Variants in ELFN2 observed in about 807,000 individuals in gnomAD.
ELFN2 encodes extracellular leucine rich repeat and fibronectin type III domain containing 2, also known as protein phosphatase 1 regulatory subunit 29.
ELFN2 carries 17 observed loss-of-function variants against 45.5 expected under a neutral mutation model. That is an observed-to-expected ratio of 0.37 (90% CI 0.26 to 0.56). The LOEUF (loss-of-function observed/expected upper bound fraction) is 0.56, where lower values mean the gene tolerates loss of function less well. Ranked by LOEUF, ELFN2 falls within the 20% of genes least tolerant of loss-of-function variation. The probability of loss-of-function intolerance (pLI) is 0.77; values close to 1 mark genes in which losing one functional copy is unlikely to be tolerated. For synonymous variants in ELFN2, 550 were observed against 551.5 expected, an observed-to-expected ratio of 1.00 and a Z score of 0.04; for missense variants, 922 against 1,183.2, an observed-to-expected ratio of 0.78 and a Z score of 3.24.
intron 2 of ELFN2, among the ~76,000 whole-genome samples, chr22:37,377,261 C>T (rs1339131850): frequency 6.6e-6 from 1 of 152,230 alleles, no homozygotes; most frequent in Non-Finnish European, 1.5e-5. Flanking sequence ...AAGCTGGACA[C>T]AGCCCCTTGG....
At chr22:37,426,758 C>G (rs940048405) in intron 1 of ELFN2, 1 of 153,392 alleles carries the variant, frequency 6.5e-6, no homozygotes, top group Admixed American at 6.5e-5. Flanking sequence ...CCCTGGCCAG[C>G]GCCTCTGAAA....
At chr22:37,362,033 G>A (rs1213267157) in intron 1 of ELFN2, among the ~76,000 whole-genome samples, 4 of 152,206 alleles carry the variant, frequency 2.6e-5, no homozygotes, top group African/African-American at 9.7e-5. Context: ...TGCCCACATG[G>A]GTGGCACGGT....
chr22:37,344,865 C>T (rs1252038438), intron 1 of ELFN2, among the ~76,000 whole-genome samples: 1 of 152,176 alleles, frequency 6.6e-6, no homozygotes, highest in East Asian at 1.9e-4. Flanking sequence ...CGCTGAGGGG[C>T]GAGCTCCCCC....
chr22:37,406,690 C>A (rs1932509691), intron 2 of ELFN2, among the ~76,000 whole-genome samples: 1 of 152,268 alleles, frequency 6.6e-6, no homozygotes, highest in Non-Finnish European at 1.5e-5. Context: ...AATTACCATC[C>A]TCCCGGGCAT....
chr22:37,404,015 G>A (rs887251757), intron 2 of ELFN2, among the ~76,000 whole-genome samples: 2 of 152,218 alleles, frequency 1.3e-5, no homozygotes, highest in African/African-American at 4.8e-5. Context: ...CTTTGCTGAG[G>A]GTGATTCTGG....
chr22:37,374,432 C>T lies in ELFN2; in HGVS notation c.1103G>A (p.Arg368His), dbSNP rs760548220. 3 of 1,613,892 alleles carry T rather than the reference C, an allele frequency of 1.9e-6. No homozygotes were observed. Among genetic ancestry groups the T allele is most frequent in the East Asian group, 2.2e-5 (1 of 44,872 alleles). ...GGTCAGGCAGGTGTGGTTGAAGCGG[C>T]GGCTGTTGCGCAGCGAGGTCACGCA... ...TFCVTSLRNSRRFNHTCLTFT... is the reference protein window; with the variant it reads ...TFCVTSLRNSHRFNHTCLTFT... The change falls in exon 3 of 3, where the codon CGC becomes CAC. Residue 368 changes from arginine (R) to histidine (H), a missense_variant. Around this residue, in one of 2 missense-constraint regions of ELFN2, gnomAD observed 358 missense variants for 540.4 expected, o/e 0.66. Coordinates refer to ENST00000402918, the MANE Select transcript of ELFN2 (RefSeq NM_052906.5).
intron 1 of ELFN2, among the ~76,000 whole-genome samples, chr22:37,357,880 G>A (rs1930988670): frequency 6.6e-6 from 1 of 152,126 alleles, no homozygotes; most frequent in Non-Finnish European, 1.5e-5. Context: ...CTTCCTCTTG[G>A]TCAGCAGCAC....
intron 1 of ELFN2, among the ~76,000 whole-genome samples, chr22:37,347,682 A>ATC (rs1930730790): frequency 1.4e-5 from 2 of 142,008 alleles, no homozygotes; most frequent in Non-Finnish European, 3.1e-5. Flanking sequence ...ACACACACAC[A>ATC]CAATCAGTGG....
chr22:37,373,595 A>G lies in ELFN2; in HGVS notation c.1940T>C (p.Val647Ala). The G allele has an allele frequency of 6.2e-7, 1 of 1,608,014 alleles. No homozygotes were observed. Among genetic ancestry groups the G allele is most frequent in the Non-Finnish European group, 8.5e-7 (1 of 1,178,334 alleles). Residue 647 changes from valine (V) to alanine (A), a missense_variant, in exon 3 of 3, where the codon GTG becomes GCG. Around this residue, in one of 2 missense-constraint regions of ELFN2, gnomAD observed 564 missense variants for 642.8 expected, o/e 0.88. Transcript: ENST00000402918. Reference protein sequence around the residue: ...IKSAKVFSLDVPDHPAATGLA... With the variant: ...IKSAKVFSLDAPDHPAATGLA... ...CCCTGTGGCGGCCGGATGGTCGGGC[A>G]CGTCCAGGCTAAAGACCTTGGCGCT...
Position 37,371,492 on chromosome 22 carries a change from T to G in ELFN2, c.*1580A>C, listed in dbSNP as rs1422814515. 1 of 150,520 alleles carries G rather than the reference T, an allele frequency of 6.6e-6. No homozygotes were observed. Among genetic ancestry groups the G allele is most frequent in the Non-Finnish European group, 1.5e-5 (1 of 67,442 alleles). 9.3% of individuals were successfully genotyped at this position (150,520 alleles called of 1,614,324 possible). A position where few individuals can be genotyped will look rare whatever the true frequency, so the allele number is the denominator to read the frequency against. On this transcript the variant is annotated 3_prime_UTR_variant, in exon 3 of 3. Coordinates refer to ENST00000402918, the MANE Select transcript of ELFN2 (RefSeq NM_052906.5). The surrounding 1 kb of genome is among the most constrained non-coding windows in gnomAD (Gnocchi z 6.4). ...CGCTGGGCCAGCTCCCACCCAGAGGTGAAGGATGATGGACTCCGGCCCATC... is the reference window on the plus strand; with the variant it reads ...CGCTGGGCCAGCTCCCACCCAGAGGGGAAGGATGATGGACTCCGGCCCATC...
At chr22:37,427,016 G>T in intron 1 of ELFN2, 1 of 152,542 alleles carries the variant, frequency 6.6e-6, no homozygotes, top group South Asian at 2.0e-4. Context: ...ACCACCCCCA[G>T]AAACGCTCAC....
chr22:37,342,261 C>A (rs1424655475), intron 2 of ELFN2, among the ~76,000 whole-genome samples: 1 of 152,182 alleles, frequency 6.6e-6, no homozygotes, highest in Non-Finnish European at 1.5e-5. Context: ...CCCTATTGTC[C>A]TGCAAATGAT....
intron 1 of ELFN2, among the ~76,000 whole-genome samples, chr22:37,423,660 A>G (rs958804692): frequency 7.2e-5 from 11 of 152,166 alleles, no homozygotes; most frequent in African/African-American, 2.4e-4. Context: ...GGGGCTCAAT[A>G]ATATTAGCTG....
intron 1 of ELFN2, among the ~76,000 whole-genome samples, chr22:37,418,456 C>T (rs2145688714): frequency 6.6e-6 from 1 of 152,104 alleles, no homozygotes; most frequent in East Asian, 1.9e-4. Context: ...CCACTCCCAC[C>T]CCTTCACCTT....
At chr22:37,404,518 A>G (rs930677648) in intron 2 of ELFN2, among the ~76,000 whole-genome samples, 2 of 152,146 alleles carry the variant, frequency 1.3e-5, no homozygotes, top group African/African-American at 2.4e-5. Flanking sequence ...GCAGGAGGAC[A>G]GAGGCAGAGC....
intron 2 of ELFN2, among the ~76,000 whole-genome samples, chr22:37,379,967 C>T (rs576902733): frequency 6.6e-6 from 1 of 152,330 alleles, no homozygotes; most frequent in East Asian, 1.9e-4. Flanking sequence ...CGCCTGGCCT[C>T]TGTGAATGAC....
rs140017650 is a variant in ELFN2 at position 37,423,631 on chromosome 22, C to T, written c.-614+3667G>A. On this transcript the variant is annotated intron_variant, in intron 1 of 2. Transcript: ENST00000402918. ...AATGCCGCCCATAAAGAGCTTCGAA[C>T]CGGGCCTGGCTCTCAGTAGGGGCTC... 4.6e-5 allele frequency among the ~76,000 whole-genome samples: 7 copies of T among 152,318 alleles called. No homozygotes were observed. The East Asian group carries it at 1.3e-3, about 29-fold the overall frequency.
At chr22:37,343,317 G>A (rs1930605908) in intron 1 of ELFN2, among the ~76,000 whole-genome samples, 1 of 152,112 alleles carries the variant, frequency 6.6e-6, no homozygotes, top group African/African-American at 2.4e-5. Flanking sequence ...ATGCCCCTGG[G>A]CTCCGAATGG....
In ELFN2 at chr22:37,373,821, G is replaced by T. The variant is rs777867053; in HGVS notation, c.1714C>A (p.Pro572Thr). ...FLGGGSSSGD[P>T]ELAFECQSLP... ...GACTGGCACTCGAAGGCCAGCTCGG[G>T]GTCCCCACTGCTGCTGCCGCCTCCC... Residue 572 changes from proline (P) to threonine (T), a missense_variant, in exon 3 of 3, where the codon CCC becomes ACC. This residue lies in a region of ELFN2 where 564 missense variants were observed against 642.8 expected (regional missense o/e 0.88). Transcript: ENST00000402918. The T allele has an allele frequency of 2.5e-6, 4 of 1,612,734 alleles. No individual in the cohort carries two copies. The highest frequency in any genetic ancestry group is 1.6e-4 in the Middle Eastern group (1 of 6,062).
Sources: gnomAD v4.1 joint callset for allele counts (sites outside exome capture counted in the v4.1 genomes callset) on GRCh38, gnomAD v4.1.1 for gene constraint, gnomAD v4.1.1 regional missense constraint, Gnocchi (gnomAD v3.1) non-coding constraint, MANE v1.5 for transcripts, NCBI Gene and HGNC (gene_info 2026-07-23, HGNC 2026-07-21) for gene names.